EVL: variants seen among roughly 807,000 people sequenced by gnomAD.
The protein encoded by EVL is ena/VASP-like protein.
A neutral mutation model predicts 59.6 loss-of-function variants in EVL; 21 were observed. The ratio of observed to expected loss-of-function variants is 0.35; its 90% CI spans 0.25 to 0.51. EVL has a LOEUF of 0.51. EVL is among the 20% of genes least tolerant of loss of function. The probability of loss-of-function intolerance (pLI) is 0.97; values close to 1 mark genes in which losing one functional copy is unlikely to be tolerated. For synonymous variants in EVL, 198 were observed against 203.5 expected (o/e 0.97, Z 0.23); for missense variants, 462 against 546.6 (o/e 0.85, Z 1.54).
chr14:100,098,543 G>C (rs1013315851), intron 3 of EVL, among the ~76,000 whole-genome samples: 1 of 152,162 alleles, frequency 6.6e-6, no homozygotes, highest in Non-Finnish European at 1.5e-5. Flanking sequence ...TGGGAGAGGG[G>C]CTAGCAAAAA....
chr14:99,978,087 ACT>A (rs1185761918), intron 1 of EVL: 8 of 131,926 alleles, frequency 6.1e-5, no homozygotes, highest in African/African-American at 2.5e-4. Flanking sequence ...ACAGAGCGAG[ACT>A]CTGTCTCAAA....
At chr14:100,020,398 G>A (rs558081159) in intron 1 of EVL, among the ~76,000 whole-genome samples, 3 of 152,138 alleles carry the variant, frequency 2.0e-5, no homozygotes, top group East Asian at 1.9e-4. Context: ...TAAAGGAGGC[G>A]GAATGGGAGG....
At chr14:100,022,468 C>CA (rs2061142894) in intron 1 of EVL, among the ~76,000 whole-genome samples, 1 of 152,012 alleles carries the variant, frequency 6.6e-6, no homozygotes, top group Non-Finnish European at 1.5e-5. Context: ...TTAGTAGAGA[C>CA]AGGGTTTCAC....
intron 1 of EVL, among the ~76,000 whole-genome samples, chr14:99,975,763 G>A (rs2060766165): frequency 6.6e-6 from 1 of 152,210 alleles, no homozygotes; most frequent in Admixed American, 6.5e-5. Flanking sequence ...CCTGCTGTGT[G>A]GCCTGGTTCC....
At chr14:99,996,661 T>G (rs914108943) in intron 1 of EVL, among the ~76,000 whole-genome samples, 1 of 151,078 alleles carries the variant, frequency 6.6e-6, no homozygotes, top group African/African-American at 2.4e-5. Context: ...CCCTTCCCCC[T>G]TTTTTTTTGA....
Position 100,023,371 on chromosome 14 carries a change from A to ATT in EVL, c.5+51338_5+51339dup, listed in dbSNP as rs1010647617. On this transcript the variant is annotated intron_variant, in intron 1 of 13. Transcript: ENST00000402714. ...AAGTGCCCACCACCAAGCCCGGCTA[A>ATT]TTTTTTTTTTTTTTTTTTTTTTTTT... Among the ~76,000 whole-genome samples, 448 of 90,654 alleles carry ATT rather than the reference A, an allele frequency of 4.9e-3. 1 individual carries two copies. The highest frequency in any genetic ancestry group is 6.4e-3 in the African/African-American group (129 of 20,270). The allele number at this position is 90,654 out of a possible 152,430, so 59.5% of individuals were successfully genotyped here. A position where few individuals can be genotyped will look rare whatever the true frequency, so the allele number is the denominator to read the frequency against.
chr14:100,050,355 TTA>T (rs1173662560), intron 1 of EVL, among the ~76,000 whole-genome samples: 325 of 22,350 alleles, frequency 0.015, 1 homozygote, highest in Non-Finnish European at 0.028. Flanking sequence ...ATTTATTTAT[TTA>T]TTTATTTTTT....
In EVL at chr14:100,129,697, A is replaced by G. The variant is rs374731942; in HGVS notation, c.839+13A>G. On this transcript the variant is annotated intron_variant, in intron 7 of 13. Coordinates refer to ENST00000392920, the MANE Select transcript of EVL (RefSeq NM_016337.3). ...TGCTGGCCAAGAGGTGGGTCTCTAC[A>G]CCTCCCGAGACTTGGTGTGCCTAGC... 7.1e-6 allele frequency: 11 copies of G among 1,542,192 alleles called. No individual in the cohort carries two copies. The African/African-American group carries it at 1.5e-4, about 21-fold the overall frequency.
intron 11 of EVL, chr14:100,139,606 G>A (rs1053901050): frequency 6.6e-6 from 1 of 152,314 alleles, no homozygotes; most frequent in African/African-American, 2.4e-5. Context: ...GGCTAGGCTT[G>A]GCCTCTTTCT....
chr14:100,019,597 A>C, intron 1 of EVL: 2 of 1,402,922 alleles, frequency 1.4e-6, no homozygotes, highest in Non-Finnish European at 9.6e-7. Context: ...CATCTGACTA[A>C]CTAAATGGTT....
At chr14:100,013,754 G>T (rs962116101) in intron 1 of EVL, among the ~76,000 whole-genome samples, 7 of 152,250 alleles carry the variant, frequency 4.6e-5, no homozygotes, top group Admixed American at 4.6e-4. Flanking sequence ...GGGCCATGCC[G>T]AGGGGCCAGG....
At chr14:100,006,213 G>A (rs569924154) in intron 1 of EVL, among the ~76,000 whole-genome samples, 1 of 150,374 alleles carries the variant, frequency 6.7e-6, no homozygotes, top group South Asian at 2.1e-4. Flanking sequence ...CAAAACAAAC[G>A]ATGGCACAAC....
chr14:99,998,353 G>C (rs957688736), intron 1 of EVL, among the ~76,000 whole-genome samples: 23 of 151,960 alleles, frequency 1.5e-4, no homozygotes, highest in Admixed American at 1.5e-3. Context: ...TGGTGTTCCG[G>C]GTCTAAGATC....
chr14:100,140,236 CAAAT>C (rs759818036), intron 11 of EVL: 1 of 152,158 alleles, frequency 6.6e-6, no homozygotes, highest in African/African-American at 2.4e-5. Flanking sequence ...GACCCTGTCT[CAAAT>C]AAGTAAAAAT....
At chr14:100,143,625 G>A in intron 13 of EVL, 76 bp from the exon 14 acceptor site, 1 of 1,576,156 alleles carries the variant, frequency 6.3e-7, no homozygotes. Flanking sequence ...GTCCACGCCA[G>A]GGGTGCGGGG....
At chr14:100,134,326 CTA>C (rs1257800201) in intron 8 of EVL, among the ~76,000 whole-genome samples, 2 of 152,210 alleles carry the variant, frequency 1.3e-5, no homozygotes, top group Non-Finnish European at 2.9e-5. Flanking sequence ...CCCCTGAAAA[CTA>C]AAACTCTCGC....
At position 100,053,552 on chromosome 14, in the gene EVL, T is replaced by C. The variant is rs898349744; in HGVS notation, c.6-31135T>C. 6.6e-5 allele frequency among the ~76,000 whole-genome samples: 10 copies of C among 152,242 alleles called. 1 individual carries two copies. The highest frequency in any genetic ancestry group is 2.6e-4 in the Admixed American group (4 of 15,284). Reference sequence around the variant, plus strand: ...TGTCTGGAATTTTTGAGCAAAGTTATGGATATTTTATTTAAAAATAGTCAT... The same window carrying C: ...TGTCTGGAATTTTTGAGCAAAGTTACGGATATTTTATTTAAAAATAGTCAT... On this transcript the variant is annotated intron_variant, in intron 1 of 13. Coordinates refer to the EVL transcript ENST00000402714.
chr14:99,991,785 G>A (rs2140178469), intron 1 of EVL, among the ~76,000 whole-genome samples: 1 of 152,268 alleles, frequency 6.6e-6, no homozygotes, highest in East Asian at 1.9e-4. Context: ...ATACATACAT[G>A]TAACTTATAA....
rs1266239878 is a variant in EVL at position 100,127,456 on chromosome 14, G to C, written c.487+685G>C. 6.6e-6 allele frequency among the ~76,000 whole-genome samples: 1 copy of C among 152,154 alleles called. No individual in the cohort carries two copies. Among genetic ancestry groups the C allele is most frequent in the African/African-American group, 2.4e-5 (1 of 41,414 alleles). On this transcript the variant is annotated intron_variant, in intron 5 of 13. Transcript: ENST00000392920. The surrounding 1 kb of genome is among the most constrained non-coding windows in gnomAD (Gnocchi z 4.2). ...CACTGGTTACAGGAACGCTCTGCTC[G>C]TGAGATGCTGGCTGACCCCATCACC...
Sources: allele counts gnomAD v4.1 joint callset (sites outside exome capture counted in the v4.1 genomes callset), GRCh38; gene constraint gnomAD v4.1.1; non-coding constraint Gnocchi (gnomAD v3.1); transcripts MANE v1.5; gene names NCBI Gene and HGNC (gene_info 2026-07-23, HGNC 2026-07-21).